Variants in GLI3 observed in about 807,000 individuals in gnomAD.
The protein encoded by GLI3 is GLI family zinc finger 3.
In GLI3, 20 loss-of-function variants were observed where a neutral mutation model predicts 100.8. That is an observed-to-expected ratio of 0.20 (90% confidence interval 0.14 to 0.29). GLI3 has a LOEUF of 0.29. GLI3 is among the 10% of genes least tolerant of loss of function. The pLI, the probability that GLI3 is intolerant of heterozygous loss-of-function variation, is 1.00. For missense variants in GLI3, 2,040 were observed against 2,128.5 expected (o/e 0.96, Z 0.82); for synonymous variants, 938 against 860.5 (o/e 1.09, Z -1.58).
At chr7:42,228,580 T>C (rs936771705) in intron 1 of GLI3, among the ~76,000 whole-genome samples, 5 of 152,226 alleles carry the variant, frequency 3.3e-5, no homozygotes, top group African/African-American at 1.2e-4. Flanking sequence ...CGGCCCTGGT[T>C]GCGTTCAGAG....
At chr7:42,055,098 C>T (rs147368500) in intron 4 of GLI3, among the ~76,000 whole-genome samples, 60 of 95,072 alleles carry the variant, frequency 6.3e-4, no homozygotes, top group African/African-American at 2.0e-3. Flanking sequence ...CATATATACA[C>T]ATATATGTAT....
chr7:42,125,784 C>T (rs1044473794), intron 3 of GLI3, among the ~76,000 whole-genome samples: 21 of 152,098 alleles, frequency 1.4e-4, no homozygotes, highest in Admixed American at 7.2e-4. Flanking sequence ...TAACTATAGA[C>T]GGCATTTACG....
At chr7:41,976,381 G>C (rs1360416100) in intron 12 of GLI3, among the ~76,000 whole-genome samples, 1 of 152,220 alleles carries the variant, frequency 6.6e-6, no homozygotes, top group Non-Finnish European at 1.5e-5. Context: ...TTATGAGTGA[G>C]TGTGCTTTTT....
chr7:42,206,792 T>C (rs1461964100), intron 2 of GLI3, among the ~76,000 whole-genome samples: 3 of 152,218 alleles, frequency 2.0e-5, no homozygotes, highest in East Asian at 1.9e-4. Context: ...CTAAAATATA[T>C]ATTAAGGCAG....
chr7:42,115,098 C>A (rs539078115), intron 3 of GLI3, among the ~76,000 whole-genome samples: 1 of 151,128 alleles, frequency 6.6e-6, no homozygotes, highest in East Asian at 1.9e-4. Flanking sequence ...AAAATGTAAA[C>A]CTTTTTCTTG....
chr7:42,172,631 G>A (rs750334905), intron 2 of GLI3: 76 of 702,896 alleles, frequency 1.1e-4, no homozygotes, highest in Non-Finnish European at 1.7e-4. Context: ...GATGGACAGC[G>A]CGGATGCATC....
At chr7:42,117,461 T>TA (rs1027030743) in intron 3 of GLI3, among the ~76,000 whole-genome samples, 1 of 152,212 alleles carries the variant, frequency 6.6e-6, no homozygotes, top group Non-Finnish European at 1.5e-5. Context: ...ACAAGTCACT[T>TA]AGACACTCAT....
chr7:42,106,351 C>T (rs1527501), intron 3 of GLI3, among the ~76,000 whole-genome samples: 74,884 of 152,030 alleles, frequency 0.49, 20,161 homozygotes, highest in East Asian at 0.71. Context: ...CCAATGCCCA[C>T]CCCTCTTGCT....
At chr7:42,209,940 G>A (rs952736216) in intron 2 of GLI3, among the ~76,000 whole-genome samples, 2 of 120,276 alleles carry the variant, frequency 1.7e-5, no homozygotes, top group African/African-American at 6.2e-5. Flanking sequence ...TCCCTGTAAA[G>A]GAGAGCCTCT....
intron 3 of GLI3, among the ~76,000 whole-genome samples, chr7:42,139,214 T>C (rs1474525559): frequency 6.6e-6 from 1 of 152,180 alleles, no homozygotes; most frequent in Non-Finnish European, 1.5e-5. Flanking sequence ...GAAATTAAAA[T>C]GTGCCTTGAT....
At chr7:42,189,032 T>A (rs531803179) in intron 2 of GLI3, among the ~76,000 whole-genome samples, 145 of 152,252 alleles carry the variant, frequency 9.5e-4, no homozygotes, top group Middle Eastern at 3.4e-3. Context: ...GTTCACCAGT[T>A]GTAACCAATG....
At chr7:42,021,643 A>C (rs1460343450) in intron 10 of GLI3, among the ~76,000 whole-genome samples, 1 of 152,248 alleles carries the variant, frequency 6.6e-6, no homozygotes, top group East Asian at 1.9e-4. Context: ...ATGTAGACTT[A>C]GAATAAGCTC....
At chr7:41,995,910 C>A (rs557219274) in intron 10 of GLI3, among the ~76,000 whole-genome samples, 1 of 152,156 alleles carries the variant, frequency 6.6e-6, no homozygotes, top group African/African-American at 2.4e-5. Flanking sequence ...AAACCAGTAA[C>A]CAACATTACA....
At chr7:42,165,454 T>C (rs1787222986) in intron 2 of GLI3, among the ~76,000 whole-genome samples, 1 of 152,186 alleles carries the variant, frequency 6.6e-6, no homozygotes, top group Non-Finnish European at 1.5e-5. Flanking sequence ...GAAATACATA[T>C]TCCTGAAGCC....
chr7:42,144,675 G>GA (rs35103701), intron 3 of GLI3, among the ~76,000 whole-genome samples: 7 of 148,270 alleles, frequency 4.7e-5, no homozygotes, highest in South Asian at 4.3e-4. Flanking sequence ...TTCTGAAGGG[G>GA]AAAAAAAAAC....
chr7:42,070,165 A>G lies in GLI3; in HGVS notation c.473+6587T>C, dbSNP rs189281465. ...GAATCACAATTTACCAAACCACTCC[A>G]GTGGCTGAATATGTAAACTGTTCTA... On this transcript the variant is annotated intron_variant, in intron 4 of 14. Transcript: ENST00000395925. Among the ~76,000 whole-genome samples, 304 of 152,356 alleles carry G rather than the reference A, an allele frequency of 2.0e-3. 2 individuals are homozygous for G. The highest frequency in any genetic ancestry group is 7.0e-3 in the African/African-American group (293 of 41,588).
At chr7:41,970,037 A>G (rs1214300424) in intron 13 of GLI3, among the ~76,000 whole-genome samples, 1 of 152,202 alleles carries the variant, frequency 6.6e-6, no homozygotes, top group East Asian at 1.9e-4. Flanking sequence ...ATATCTGAGT[A>G]ATGTTCACTA....
At chr7:42,046,112 A>G (rs1784239419) in intron 5 of GLI3, among the ~76,000 whole-genome samples, 2 of 152,224 alleles carry the variant, frequency 1.3e-5, no homozygotes, top group South Asian at 4.1e-4. Context: ...TTACAAAATC[A>G]AAAAGAAAAT....
intron 10 of GLI3, among the ~76,000 whole-genome samples, chr7:41,983,444 G>A (rs1787729771): frequency 6.6e-6 from 1 of 152,168 alleles, no homozygotes; most frequent in Non-Finnish European, 1.5e-5. Flanking sequence ...AAAGTGATAG[G>A]CAATGAATTC....
Sources: gnomAD v4.1 joint callset for allele counts (sites outside exome capture counted in the v4.1 genomes callset) on GRCh38, gnomAD v4.1.1 for gene constraint, MANE v1.5 for transcripts, NCBI Gene and HGNC (gene_info 2026-07-23, HGNC 2026-07-21) for gene names.